Variants in SYN3 observed in about 807,000 individuals in gnomAD.
The protein encoded by SYN3 is synapsin-3.
In SYN3, 35 loss-of-function variants were observed where a neutral mutation model predicts 65.8. The observed-to-expected ratio is 0.53, with a 90% confidence interval of 0.41 to 0.70. The LOEUF (loss-of-function observed/expected upper bound fraction) is 0.70, where lower values mean the gene tolerates loss of function less well. Among genes scored for constraint, SYN3 ranks in the 30% least tolerant of loss-of-function variants. SYN3 has a pLI of 0.00. For synonymous variants in SYN3, 270 were observed against 292.9 expected, an observed-to-expected ratio of 0.92 and a Z score of 0.80; for missense variants, 680 against 749.0, an observed-to-expected ratio of 0.91 and a Z score of 1.08.
chr22:32,602,090 C>T (rs1322544261), intron 6 of SYN3, among the ~76,000 whole-genome samples: 2 of 152,088 alleles, frequency 1.3e-5, no homozygotes, highest in African/African-American at 2.4e-5. Flanking sequence ...TTTATATGTC[C>T]AATAAAACCC....
chr22:32,879,463 G>T (rs1482373357), intron 4 of SYN3, among the ~76,000 whole-genome samples: 1 of 152,192 alleles, frequency 6.6e-6, no homozygotes, highest in African/African-American at 2.4e-5. Flanking sequence ...TGCTGGGGAG[G>T]TGGGGGACCT....
At chr22:32,635,213 A>ATCTG (rs1041150015) in intron 6 of SYN3, 2 of 152,134 alleles carry the variant, frequency 1.3e-5, no homozygotes, top group Non-Finnish European at 2.9e-5. Context: ...CTTTCTATCT[A>ATCTG]TCTGTCTGTC....
At position 32,538,031 on chromosome 22, in the gene SYN3, CTT is replaced by C. The variant is rs1463520283; in HGVS notation, c.992+3_992+4del. The C allele has an allele frequency of 9.3e-6, 15 of 1,613,848 alleles. No individual in the cohort carries two copies. Among genetic ancestry groups the C allele is most frequent in the Non-Finnish European group, 1.3e-5 (15 of 1,179,942 alleles). ...GCCTCTCCCTACACCTCCTTTGTCT[CTT>C]ACCTCTCTGTCATGGCCACCTGCTC... On this transcript the variant is annotated splice_donor_region_variant and intron_variant, in intron 9 of 13. Transcript: ENST00000358763.
intron 6 of SYN3, among the ~76,000 whole-genome samples, chr22:32,840,642 C>T (rs1024535102): frequency 1.3e-5 from 2 of 152,094 alleles, no homozygotes; most frequent in African/African-American, 4.8e-5. Flanking sequence ...ACCGCCGCCC[C>T]CTCCGCCCCC....
At chr22:32,724,355 T>C (rs530776763) in intron 6 of SYN3, among the ~76,000 whole-genome samples, 1 of 152,306 alleles carries the variant, frequency 6.6e-6, no homozygotes, top group African/African-American at 2.4e-5. Context: ...GCTTCCCATG[T>C]ATCTGGGACT....
intron 4 of SYN3, among the ~76,000 whole-genome samples, chr22:32,890,417 G>A (rs996549541): frequency 6.0e-5 from 9 of 151,126 alleles, no homozygotes; most frequent in Admixed American, 2.0e-4. Flanking sequence ...GTCTCGCTCT[G>A]TCACCAAGGC....
intron 11 of SYN3, among the ~76,000 whole-genome samples, chr22:32,528,302 TTC>T (rs967368742): frequency 6.6e-5 from 10 of 152,154 alleles, no homozygotes; most frequent in East Asian, 3.9e-4. Flanking sequence ...ATAGATTACT[TTC>T]TGTGGGGAAA....
At chr22:32,555,248 AAGCT>A (rs1272372602) in intron 7 of SYN3, among the ~76,000 whole-genome samples, 2 of 152,180 alleles carry the variant, frequency 1.3e-5, no homozygotes, top group African/African-American at 4.8e-5. Context: ...CCTCTTACGA[AAGCT>A]GAAGGCTAAT....
chr22:32,556,817 T>G (rs1437926261), intron 7 of SYN3, among the ~76,000 whole-genome samples: 6,790 of 133,084 alleles, frequency 0.051, 1,136 homozygotes, highest in African/African-American at 0.098. Context: ...TTTTTTTTTT[T>G]TTTTTTTTTT....
chr22:32,567,525 T>A (rs544498285), intron 7 of SYN3, among the ~76,000 whole-genome samples: 1 of 152,196 alleles, frequency 6.6e-6, no homozygotes, highest in Middle Eastern at 3.4e-3. Flanking sequence ...TGGTCCTTAA[T>A]ATGGAAGGGG....
At position 32,987,034 on chromosome 22, in the gene SYN3, T is replaced by G. The variant is rs560397097; in HGVS notation, c.312-6332A>C. Among the ~76,000 whole-genome samples, 69 of 152,272 alleles carry G rather than the reference T, an allele frequency of 4.5e-4. 2 individuals carry two copies. The South Asian group carries it at 0.011, about 25-fold the overall frequency. On this transcript the variant is annotated intron_variant, in intron 2 of 13. Transcript: ENST00000358763. ...GCAGGGGCAGAAGAAGGGGAATTCA[T>G]ACAAACAGGATCTGTGTTCAAACAG... is the stretch of plus-strand genomic sequence containing the variant.
intron 6 of SYN3, among the ~76,000 whole-genome samples, chr22:32,686,661 A>G: frequency 4.8e-5 from 1 of 20,730 alleles, no homozygotes; most frequent in Non-Finnish European, 9.0e-5. Flanking sequence ...CAGTGGCATG[A>G]TCTCGGCTCA....
chr22:32,730,664 G>T (rs1378164274), intron 6 of SYN3, among the ~76,000 whole-genome samples: 3 of 152,166 alleles, frequency 2.0e-5, no homozygotes, highest in Non-Finnish European at 4.4e-5. Context: ...TCAGGTTCTG[G>T]CATCTCTTGA....
chr22:32,859,159 C>A (rs1253548583), intron 6 of SYN3: 2 of 1,613,968 alleles, frequency 1.2e-6, no homozygotes, highest in Admixed American at 3.3e-5. Context: ...CCATCAACTG[C>A]TGCCTGTTAT....
At chr22:32,726,344 T>C (rs140837911) in intron 6 of SYN3, among the ~76,000 whole-genome samples, 2,439 of 152,298 alleles carry the variant, frequency 0.016, 32 homozygotes, top group Non-Finnish European at 0.024. Flanking sequence ...GGTTTCACCA[T>C]GTTGGCCAGG....
intron 6 of SYN3, among the ~76,000 whole-genome samples, chr22:32,699,032 T>C (rs1262106568): frequency 1.3e-5 from 2 of 152,204 alleles, no homozygotes; most frequent in African/African-American, 4.8e-5. Flanking sequence ...ACATCTGGAC[T>C]TACTCTCCAC....
At chr22:32,774,248 G>A (rs888283033) in intron 6 of SYN3, among the ~76,000 whole-genome samples, 1 of 152,160 alleles carries the variant, frequency 6.6e-6, no homozygotes, top group Non-Finnish European at 1.5e-5. Context: ...TGGAAATAGG[G>A]TCTTTGCAAA....
At chr22:32,991,358 ATAATAATAATAATAG>A (rs1270778551) in intron 2 of SYN3, among the ~76,000 whole-genome samples, 9 of 148,408 alleles carry the variant, frequency 6.1e-5, no homozygotes, top group African/African-American at 2.2e-4. Context: ...AATAATAATA[ATAATAATAATAATAG>A]TAATAATAGA....
At chr22:32,743,405 G>C (rs3788500) in intron 6 of SYN3, among the ~76,000 whole-genome samples, 7,785 of 152,226 alleles carry the variant, frequency 0.051, 253 homozygotes, top group African/African-American at 0.1. Flanking sequence ...TAGTGGCCTA[G>C]AATCCCTTCT....
Sources: gnomAD v4.1 joint callset for allele counts (sites outside exome capture counted in the v4.1 genomes callset) on GRCh38, gnomAD v4.1.1 for gene constraint, MANE v1.5 for transcripts, NCBI Gene and HGNC (gene_info 2026-07-23, HGNC 2026-07-21) for gene names.